Variants in FSD2 observed in about 807,000 individuals in gnomAD.
FSD2 encodes the protein fibronectin type III and SPRY domain containing 2.
Under a neutral mutation model 80.4 loss-of-function variants are expected in FSD2, and 71 were observed. The observed-to-expected ratio is 0.88, with a 90% CI of 0.73 to 1.08. The LOEUF (loss-of-function observed/expected upper bound fraction) is 1.08, where lower values mean the gene tolerates loss of function less well. FSD2 is among the 50% of genes least tolerant of loss of function. FSD2 has a pLI of 0.00. For synonymous variants in FSD2, 361 were observed against 329.5 expected (o/e 1.10, Z -1.03); for missense variants, 923 against 913.8 (o/e 1.01, Z -0.13).
At chr15:82,779,174 C>T (rs1450765925) in intron 5 of FSD2, among the ~76,000 whole-genome samples, 1 of 152,172 alleles carries the variant, frequency 6.6e-6, no homozygotes, top group African/African-American at 2.4e-5. Flanking sequence ...GAACCACACC[C>T]TCTGGAAGAT....
chr15:82,777,888 G>C (rs1167235322), intron 6 of FSD2, among the ~76,000 whole-genome samples: 1 of 149,732 alleles, frequency 6.7e-6, no homozygotes, highest in African/African-American at 2.5e-5. Flanking sequence ...CAAATGGTGA[G>C]AATGTGGAGA....
In FSD2 at chr15:82,786,752, C is replaced by T; in HGVS notation, c.639G>A (p.Lys213=). 6.2e-7 allele frequency: 1 copy of T among 1,612,878 alleles called. No homozygotes were observed. Among genetic ancestry groups the T allele is most frequent in the African/African-American group, 1.3e-5 (1 of 74,962 alleles). Residue 213 remains lysine, a splice_region_variant and synonymous_variant, in exon 2 of 13, where the codon AAG becomes AAA. Coordinates refer to ENST00000334574, the MANE Select transcript of FSD2 (RefSeq NM_001007122.4). Reference sequence around the variant, plus strand: ...AGAAGAACCAAGGACACCTATTTACCTTGGCACTTTCCAGTGCTTCATTGA... The same window carrying T: ...AGAAGAACCAAGGACACCTATTTACTTTGGCACTTTCCAGTGCTTCATTGA... ...IPLNEALESA[K]DEIHKNMYKL...
At chr15:82,790,026 A>C (rs918074874) in intron 1 of FSD2, among the ~76,000 whole-genome samples, 1 of 152,162 alleles carries the variant, frequency 6.6e-6, no homozygotes, top group Non-Finnish European at 1.5e-5. Context: ...AACACAAAAA[A>C]TTAGCCAGTT....
chr15:82,780,298 GATTTTGGAAATAAATTT>G (rs1393355941), intron 4 of FSD2, 31 bp from the exon 5 acceptor site: 4 of 1,413,012 alleles, frequency 2.8e-6, no homozygotes, highest in Non-Finnish European at 3.8e-6. Flanking sequence ...ATATTAAGTT[GATTTTGGAAATAAATTT>G]CTTTTTTCTT....
In FSD2 at chr15:82,780,251, G is replaced by A; in HGVS notation, c.983C>T (p.Ala328Val). Residue 328 changes from alanine to valine, a missense_variant, in exon 5 of 13, where the codon GCT (alanine) becomes GTT (valine). Coordinates refer to ENST00000334574, the MANE Select transcript of FSD2 (RefSeq NM_001007122.4). ...ACTAGAACAAATGTATTACCTGTCA[G>A]CCATAGCCACTGCATCCTAAAAAGG... ...VDFIKDAVAM[A>V]DRLGKFLKTK... The A allele has an allele frequency of 6.6e-7, 1 of 1,505,382 alleles. No homozygotes were observed. The highest frequency in any genetic ancestry group is 8.9e-7 in the Non-Finnish European group (1 of 1,125,222). 93.3% of individuals were successfully genotyped at this position (1,505,382 alleles called of 1,614,324 possible). A position where few individuals can be genotyped will look rare whatever the true frequency, so the allele number is the denominator to read the frequency against.
Position 82,768,990 on chromosome 15 carries a change from G to A in FSD2, c.1443C>T (p.Ser481=), listed in dbSNP as rs1167001497. Residue 481 remains serine (S), a synonymous_variant, in exon 9 of 13, where the codon AGC becomes AGT. Transcript: ENST00000334574. ...AGCAAATCAGCACAGCCTCTTCACA[G>A]CTCCTTATCTCTTTGGTTTTAATAA... ...PPIIKTKEIR[S]CEEAVLICWE... 7.5e-6 allele frequency: 12 copies of A among 1,601,826 alleles called. No individual in the cohort carries two copies. Among genetic ancestry groups the A allele is most frequent in the African/African-American group, 1.3e-5 (1 of 74,380 alleles).
At chr15:82,795,621 G>A (rs941232593) in intron 1 of FSD2, among the ~76,000 whole-genome samples, 6 of 152,112 alleles carry the variant, frequency 3.9e-5, no homozygotes, top group African/African-American at 1.4e-4. Context: ...TTTGAGCTCA[G>A]GAGTTTGAGA....
intron 9 of FSD2, 69 bp from the exon 10 acceptor site, chr15:82,766,100 T>A: frequency 6.8e-7 from 1 of 1,473,314 alleles, no homozygotes; most frequent in Middle Eastern, 2.4e-4. Flanking sequence ...CAGGCATCCC[T>A]TTCAAAGCTG....
chr15:82,774,935 T>C (rs2049678443), intron 6 of FSD2, among the ~76,000 whole-genome samples: 1 of 150,850 alleles, frequency 6.6e-6, no homozygotes, highest in African/African-American at 2.4e-5. Context: ...TCGGCCAGGA[T>C]GGTCTCAATC....
At chr15:82,793,033 G>A (rs1478442959) in intron 1 of FSD2, among the ~76,000 whole-genome samples, 3 of 152,138 alleles carry the variant, frequency 2.0e-5, no homozygotes, top group African/African-American at 4.8e-5. Flanking sequence ...TTCAACGTTT[G>A]GTAGAATTCA....
Position 82,759,401 on chromosome 15 carries a change from A to C in FSD2, c.2197T>G (p.Cys733Gly). Residue 733 changes from cysteine (C) to glycine (G), a missense_variant, in exon 13 of 13, where the codon TGT (cysteine) becomes GGT (glycine). Transcript: ENST00000334574. ...GAAATGCCATTATGTACCTTTAGAC[A>C]CCCAGGCTTTTCCAAAGAAAAACAG... The part of the protein sequence containing the change: ...HPCFSLEKPG[C>G]LKVHNGISMP... The C allele has an allele frequency of 6.2e-7, 1 of 1,613,742 alleles. No individual in the cohort carries two copies. Among genetic ancestry groups the C allele is most frequent in the Non-Finnish European group, 8.5e-7 (1 of 1,179,780 alleles).
chr15:82,762,417 A>G, intron 11 of FSD2, 139 bp from the exon 12 acceptor site: 1 of 683,160 alleles, frequency 1.5e-6, no homozygotes, highest in South Asian at 2.1e-5. Context: ...CTTAACTTGT[A>G]AAGTACCCTT....
At chr15:82,785,163 T>C (rs2049965666) in intron 3 of FSD2, among the ~76,000 whole-genome samples, 1 of 152,034 alleles carries the variant, frequency 6.6e-6, no homozygotes, top group South Asian at 2.1e-4. Flanking sequence ...GGATCAAGGC[T>C]CACATTCTTA....
At chr15:82,798,894 T>TTTTTA (rs1566983142) in intron 1 of FSD2, among the ~76,000 whole-genome samples, 1 of 150,818 alleles carries the variant, frequency 6.6e-6, no homozygotes, top group African/African-American at 2.4e-5. Context: ...TTTTTTTTTT[T>TTTTTA]TGAGACAGGG....
At position 82,766,037 on chromosome 15, in the gene FSD2, C is replaced by G; in HGVS notation, c.1554-6G>C. ...TCGGGATGCCCACAACAGACCTGTA[C>G]AAGGAAGCAGAGCTGCAGTCAGAAT... On this transcript the variant is annotated splice_region_variant and splice_polypyrimidine_tract_variant and intron_variant, in intron 9 of 12. Coordinates refer to ENST00000334574, the MANE Select transcript of FSD2 (RefSeq NM_001007122.4). 1 of 1,575,288 alleles carries G rather than the reference C, an allele frequency of 6.3e-7. No individual in the cohort carries two copies.
intron 6 of FSD2, among the ~76,000 whole-genome samples, chr15:82,777,290 C>T (rs2049736879): frequency 6.6e-6 from 1 of 152,098 alleles, no homozygotes; most frequent in African/African-American, 2.4e-5. Context: ...AAGAAACAAC[C>T]TGCAGAATAG....
intron 3 of FSD2, among the ~76,000 whole-genome samples, chr15:82,786,258 A>G (rs1476997672): frequency 2.0e-5 from 3 of 152,194 alleles, no homozygotes; most frequent in Non-Finnish European, 4.4e-5. Flanking sequence ...GACTAGGGAT[A>G]TTGAGACAGA....
chr15:82,795,906 T>G (rs970232264), intron 1 of FSD2, among the ~76,000 whole-genome samples: 2 of 151,710 alleles, frequency 1.3e-5, no homozygotes, highest in African/African-American at 2.4e-5. Flanking sequence ...TAAAGGATAC[T>G]CTAAGACTGA....
intron 6 of FSD2, among the ~76,000 whole-genome samples, chr15:82,777,652 C>T (rs1245889734): frequency 1.3e-5 from 2 of 152,034 alleles, no homozygotes; most frequent in Admixed American, 6.6e-5. Context: ...TTGAGACCAG[C>T]CTGGCCAACA....
Sources: gnomAD v4.1 joint callset for allele counts (sites outside exome capture counted in the v4.1 genomes callset) on GRCh38, gnomAD v4.1.1 for gene constraint, MANE v1.5 for transcripts, NCBI Gene and HGNC (gene_info 2026-07-23, HGNC 2026-07-21) for gene names.